The following FAS variants were observed in gnomAD, a reference collection of about 807,000 sequenced individuals.
The protein encoded by FAS is Fas cell surface death receptor, also known as tumor necrosis factor receptor superfamily member 6.
A neutral mutation model predicts 33.2 loss-of-function variants in FAS; 5 were observed. The observed-to-expected ratio is 0.15, with a 90% CI of 0.08 to 0.32. The LOEUF (loss-of-function observed/expected upper bound fraction) is 0.32, where lower values mean the gene tolerates loss of function less well. Among genes scored for constraint, FAS ranks in the 10% least tolerant of loss-of-function variants. The pLI, the probability that FAS is intolerant of heterozygous loss-of-function variation, is 1.00. For synonymous variants in FAS, 131 were observed against 130.7 expected (o/e 1.00, Z -0.01); for missense variants, 339 against 386.0 (o/e 0.88, Z 1.02).
intron 2 of FAS, chr10:88,974,925 T>A (rs1039271506): frequency 6.6e-6 from 1 of 152,340 alleles, no homozygotes; most frequent in Non-Finnish European, 1.5e-5. Flanking sequence ...GATCAGCCAC[T>A]TGCTGGCTTG....
upstream of FAS, chr10:88,990,411 C>A (rs1847089461): frequency 8.9e-6 from 4 of 448,846 alleles, no homozygotes; most frequent in South Asian, 7.8e-5. The surrounding 1 kb of genome is among the most constrained non-coding windows in gnomAD (Gnocchi z 4.9). Context: ...GGGCAGGAGG[C>A]CGGCTCTCGA....
At chr10:88,967,725 C>A (rs1054630417) in intron 1 of FAS, among the ~76,000 whole-genome samples, 3 of 152,000 alleles carry the variant, frequency 2.0e-5, no homozygotes, top group Non-Finnish European at 2.9e-5. Flanking sequence ...TGGTAAAGAC[C>A]AATACAAGGA....
In FAS at chr10:88,970,746, C is replaced by A. The variant is rs529610649; in HGVS notation, n.95-2436C>A. Among the ~76,000 whole-genome samples, 151 of 152,128 alleles carry A rather than the reference C, an allele frequency of 9.9e-4. 1 individual carries two copies. Among genetic ancestry groups the A allele is most frequent in the Non-Finnish European group, 1.6e-3 (111 of 67,998 alleles). ...GGGTGGGGAGAGCGGGGAGGGATAG[C>A]ATTAGGAGATATACCTAATGTAAAT... On this transcript the variant is annotated intron_variant and non_coding_transcript_variant, in intron 1 of 3. Coordinates refer to the FAS transcript ENST00000688239.
rs558645628 is a variant in FAS at position 88,975,506 on chromosome 10, TG to T, written n.260+2161del. Among the ~76,000 whole-genome samples the T allele has an allele frequency of 6.8e-4, 104 of 152,180 alleles. 1 individual carries two copies. The highest frequency in any genetic ancestry group is 2.4e-3 in the African/African-American group (99 of 41,518). Reference sequence around the variant, plus strand: ...GTTCTCCAATACGTAAAGAATCAGGTGGAACAGTAGAGATGGTACAGGAAGG... The same window carrying T: ...GTTCTCCAATACGTAAAGAATCAGGTGAACAGTAGAGATGGTACAGGAAGG... On this transcript the variant is annotated intron_variant and non_coding_transcript_variant, in intron 2 of 3. Transcript: ENST00000688239.
chr10:88,988,751 G>C (rs2133372978), upstream of FAS, among the ~76,000 whole-genome samples: 1 of 152,274 alleles, frequency 6.6e-6, no homozygotes, highest in African/African-American at 2.4e-5. Context: ...TCATTCAATA[G>C]ATTCTTCAAA....
chr10:88,992,096 T>C (rs1285034348), intron 1 of FAS, among the ~76,000 whole-genome samples: 1 of 152,208 alleles, frequency 6.6e-6, no homozygotes, highest in Non-Finnish European at 1.5e-5. Flanking sequence ...ACACAGCTAG[T>C]AAATGGGAGA....
Position 89,003,197 on chromosome 10 carries a change from A to G in FAS, c.196+3A>G, listed in dbSNP as rs370162732. ...CTGCCATAAGCCCTGTCCTCCAGGT[A>G]TGTTACACAAAACATCCAGAGATTA... On this transcript the variant is annotated splice_donor_region_variant and intron_variant, in intron 2 of 8. Transcript: ENST00000652046. The G allele has an allele frequency of 6.2e-7, 1 of 1,614,078 alleles. No individual in the cohort carries two copies. Among genetic ancestry groups the G allele is most frequent in the Non-Finnish European group, 8.5e-7 (1 of 1,179,946 alleles).
At chr10:88,987,838 T>C (rs375466245), upstream of FAS, among the ~76,000 whole-genome samples, 65 of 152,364 alleles carry the variant, frequency 4.3e-4, no homozygotes, top group Non-Finnish European at 7.2e-4. Context: ...GATGTTTCTG[T>C]AAAGCAATGT....
intron 1 of FAS, chr10:88,991,625 C>G (rs190670887): frequency 3.3e-5 from 5 of 153,140 alleles, no homozygotes; most frequent in African/African-American, 1.2e-4. Flanking sequence ...CTCTTTAAGA[C>G]TGTAAGTCGC....
intron 1 of FAS, among the ~76,000 whole-genome samples, chr10:88,997,054 A>T (rs1309286622): frequency 4.6e-5 from 7 of 152,294 alleles, no homozygotes; most frequent in Middle Eastern, 3.4e-3. Context: ...TCAAATTCTG[A>T]TTTGCAAGTG....
At chr10:88,987,733 C>T (rs1009062686), upstream of FAS, among the ~76,000 whole-genome samples, 2 of 152,218 alleles carry the variant, frequency 1.3e-5, no homozygotes, top group African/African-American at 4.8e-5. Flanking sequence ...TATACCCAAG[C>T]CCTGGGATTG....
At chr10:88,973,729 T>C (rs1210363218) in intron 2 of FAS, 1 of 154,582 alleles carries the variant, frequency 6.5e-6, no homozygotes, top group Non-Finnish European at 1.4e-5. Context: ...AAAAATCATC[T>C]AGCAAACTGT....
At chr10:88,964,280 CTT>C (rs1846284351) in intron 1 of FAS, among the ~76,000 whole-genome samples, 1 of 152,100 alleles carries the variant, frequency 6.6e-6, no homozygotes, top group South Asian at 2.1e-4. Flanking sequence ...AACAAATAGG[CTT>C]CACGTATATA....
At chr10:88,981,428 G>C (rs1477366341) in intron 2 of FAS, among the ~76,000 whole-genome samples, 1 of 151,328 alleles carries the variant, frequency 6.6e-6, no homozygotes, top group Non-Finnish European at 1.5e-5. Context: ...TTCCATCGTC[G>C]TGATTTATAC....
chr10:88,972,853 T>G (rs1846480467), intron 1 of FAS, among the ~76,000 whole-genome samples: 1 of 152,240 alleles, frequency 6.6e-6, no homozygotes, highest in Non-Finnish European at 1.5e-5. Flanking sequence ...TGTTTCTGAT[T>G]GTTTTTCCAG....
chr10:89,012,292 C>T (rs1334965381), intron 7 of FAS: 1 of 512,384 alleles, frequency 2.0e-6, no homozygotes. Context: ...ATCCTCCTGC[C>T]TCAACTGTGA....
intron 2 of FAS, among the ~76,000 whole-genome samples, chr10:89,007,025 A>G (rs370022398): frequency 2.0e-5 from 3 of 152,208 alleles, no homozygotes; most frequent in East Asian, 3.8e-4. Flanking sequence ...TCTTTTGATG[A>G]AAAAGTAATA....
At chr10:88,984,207 T>A (rs765381060), upstream of FAS, among the ~76,000 whole-genome samples, 1 of 152,174 alleles carries the variant, frequency 6.6e-6, no homozygotes, top group Non-Finnish European at 1.5e-5. Flanking sequence ...CTGCAAAGTG[T>A]TCTGATATGT....
rs551720685 is a variant in FAS, at chr10:88,991,030, G to T, written c.30+124G>T. 75 of 1,354,964 alleles carry T rather than the reference G, an allele frequency of 5.5e-5. No individual in the cohort carries two copies. In the East Asian group the frequency reaches 1.5e-3, roughly 27 times the overall value. The allele number at this position is 1,354,964 out of a possible 1,614,324, so 83.9% of individuals were successfully genotyped here. On this transcript the variant is annotated intron_variant, in intron 1 of 8. Transcript: ENST00000652046. ...GCGGCGCACGCGGGCACCTGGGAGC[G>T]GCGGGCTGCTGCGGGAGGCGTTGGA...
Sources: allele counts gnomAD v4.1 joint callset (sites outside exome capture counted in the v4.1 genomes callset), GRCh38; gene constraint gnomAD v4.1.1; non-coding constraint Gnocchi (gnomAD v3.1); transcripts MANE v1.5; gene names NCBI Gene and HGNC (gene_info 2026-07-23, HGNC 2026-07-21).